The following XKR6 variants were observed in gnomAD, a reference collection of about 807,000 sequenced individuals.
The protein encoded by XKR6 is XK related 6.
In XKR6, 22 loss-of-function variants were observed where a neutral mutation model predicts 56.7. That is an observed-to-expected ratio of 0.39 (90% CI 0.28 to 0.55). The LOEUF (loss-of-function observed/expected upper bound fraction) is 0.55. Among genes scored for constraint, XKR6 ranks in the 20% least tolerant of loss-of-function variants. XKR6 has a pLI of 0.66. For synonymous variants in XKR6, 524 were observed against 387.8 expected (o/e 1.35, Z -4.13); for missense variants, 852 against 889.0 (o/e 0.96, Z 0.53).
intron 1 of XKR6, among the ~76,000 whole-genome samples, chr8:10,970,545 T>C (rs1370744043): frequency 3.9e-5 from 6 of 152,094 alleles, no homozygotes; most frequent in African/African-American, 1.2e-4. Flanking sequence ...CCCAGCCTCA[T>C]TGAGATGTCT....
intron 1 of XKR6, among the ~76,000 whole-genome samples, chr8:11,194,190 ATACCTG>A (rs1563210485): frequency 6.6e-6 from 1 of 152,236 alleles, no homozygotes; most frequent in Non-Finnish European, 1.5e-5. Flanking sequence ...CAAAGCACAA[ATACCTG>A]TAGCATAATG....
intron 1 of XKR6, among the ~76,000 whole-genome samples, chr8:11,062,345 C>A (rs916196269): frequency 9.2e-5 from 14 of 152,072 alleles, no homozygotes; most frequent in Admixed American, 9.2e-4. Context: ...ATCTGTAAGC[C>A]GAATATTTAT....
At chr8:10,903,619 G>A (rs1010776478) in intron 2 of XKR6, among the ~76,000 whole-genome samples, 29 of 152,138 alleles carry the variant, frequency 1.9e-4, no homozygotes, top group African/African-American at 6.5e-4. Context: ...GGCCGTTAGG[G>A]TGGGCCCTAA....
In XKR6 at chr8:11,200,328, G is replaced by C. The variant is rs1013194598; in HGVS notation, c.764+248C>G. ...GGACGGGGAGGGCAGGTTGGGGCAA[G>C]AGCCCCGCCGAGTGCGAAGCGGGGA... is the stretch of plus-strand genomic sequence containing the variant. On this transcript the variant is annotated intron_variant, in intron 1 of 2. Transcript: ENST00000416569. The surrounding 1 kb of genome is among the most constrained non-coding windows in gnomAD (Gnocchi z 6.4). Among the ~76,000 whole-genome samples, 9 of 152,232 alleles carry C rather than the reference G, an allele frequency of 5.9e-5. No individual in the cohort carries two copies. The highest frequency in any genetic ancestry group is 2.2e-4 in the African/African-American group (9 of 41,466).
intron 1 of XKR6, among the ~76,000 whole-genome samples, chr8:10,949,189 C>G (rs75843613): frequency 2.0e-5 from 3 of 152,206 alleles, no homozygotes; most frequent in African/African-American, 7.2e-5. Context: ...GCAAATCACC[C>G]CCCTACTCCC....
At chr8:11,180,132 C>A (rs891450632) in intron 1 of XKR6, among the ~76,000 whole-genome samples, 1 of 151,738 alleles carries the variant, frequency 6.6e-6, no homozygotes, top group East Asian at 1.9e-4. Context: ...AGACTGAGAC[C>A]CTGTCTCAAA....
intron 1 of XKR6, among the ~76,000 whole-genome samples, chr8:11,152,867 C>T (rs940286375): frequency 2.0e-5 from 3 of 152,176 alleles, no homozygotes; most frequent in African/African-American, 7.2e-5. Flanking sequence ...CCTAAGCATA[C>T]TGGTTTTACT....
intron 1 of XKR6, among the ~76,000 whole-genome samples, chr8:11,059,739 G>T (rs907286208): frequency 2.0e-5 from 3 of 150,252 alleles, no homozygotes; most frequent in African/African-American, 7.3e-5. Flanking sequence ...GCGCCCCCCG[G>T]ACCCCGCCCC....
intron 1 of XKR6, among the ~76,000 whole-genome samples, chr8:11,122,032 T>C (rs116454649): frequency 2.0e-3 from 310 of 152,320 alleles, no homozygotes; most frequent in African/African-American, 7.1e-3. Flanking sequence ...CAATGGGATA[T>C]TCAATATTCA....
intron 1 of XKR6, among the ~76,000 whole-genome samples, chr8:11,162,643 G>A (rs7818036): frequency 0.97 from 148,096 of 152,376 alleles, 71,990 homozygotes; most frequent in East Asian, 1. Context: ...TTCACTAGTT[G>A]TTTTGATTAT....
chr8:11,166,304 T>C (rs1266422079), intron 1 of XKR6, among the ~76,000 whole-genome samples: 1 of 152,080 alleles, frequency 6.6e-6, no homozygotes, highest in Non-Finnish European at 1.5e-5. Context: ...GTGTTCACAG[T>C]GGGGGAAAAA....
chr8:10,954,163 C>A (rs1801807490), intron 1 of XKR6, among the ~76,000 whole-genome samples: 1 of 152,170 alleles, frequency 6.6e-6, no homozygotes, highest in Non-Finnish European at 1.5e-5. Context: ...GTTTTCAATT[C>A]TCTTGGGTAT....
At chr8:11,133,013 T>C (rs1457747029) in intron 1 of XKR6, among the ~76,000 whole-genome samples, 1 of 151,946 alleles carries the variant, frequency 6.6e-6, no homozygotes, top group African/African-American at 2.4e-5. Context: ...GTAAGAAAAA[T>C]GGCAAAAAGT....
At chr8:11,136,653 G>A (rs560739273) in intron 1 of XKR6, among the ~76,000 whole-genome samples, 3 of 152,232 alleles carry the variant, frequency 2.0e-5, no homozygotes, top group Admixed American at 6.5e-5. Context: ...AGACAAGAGG[G>A]ATGATCTCTT....
chr8:11,122,475 C>G (rs557485757), intron 1 of XKR6, among the ~76,000 whole-genome samples: 1 of 152,370 alleles, frequency 6.6e-6, no homozygotes, highest in African/African-American at 2.4e-5. Context: ...GGCCCCTCCA[C>G]CTGCCCAAAA....
rs752484382 is a variant in XKR6, at chr8:11,201,348, T to C, written c.-9A>G. The C allele has an allele frequency of 8.8e-7, 1 of 1,142,682 alleles. No individual in the cohort carries two copies. The highest frequency in any genetic ancestry group is 1.2e-6 in the Non-Finnish European group (1 of 864,920). 70.8% of individuals were successfully genotyped at this position (1,142,682 alleles called of 1,614,324 possible). ...TCGGATTTCGCCGCCATCTTGACTC[T>C]CTTCCCAGCTCCGGAGGTTGGGGGG... On this transcript the variant is annotated 5_prime_UTR_variant, in exon 1 of 3. Coordinates refer to ENST00000416569, the MANE Select transcript of XKR6 (RefSeq NM_173683.4).
intron 2 of XKR6, among the ~76,000 whole-genome samples, chr8:10,917,077 T>C (rs904655324): frequency 4.6e-5 from 7 of 152,140 alleles, no homozygotes; most frequent in Non-Finnish European, 7.4e-5. Context: ...AGATGCTTTT[T>C]TTTTTTTTGG....
intron 1 of XKR6, among the ~76,000 whole-genome samples, chr8:11,049,884 T>C (rs1282225605): frequency 1.3e-5 from 2 of 152,164 alleles, no homozygotes; most frequent in Admixed American, 1.3e-4. Flanking sequence ...AGAAAGACTG[T>C]GTCTGCTGCA....
At chr8:10,968,776 G>A (rs7816172) in intron 1 of XKR6, among the ~76,000 whole-genome samples, 12,184 of 152,258 alleles carry the variant, frequency 0.08, 893 homozygotes, top group African/African-American at 0.2. Context: ...GAAGAAAGAG[G>A]AAAATAGAAG....
Sources: allele counts gnomAD v4.1 joint callset (sites outside exome capture counted in the v4.1 genomes callset), GRCh38; gene constraint gnomAD v4.1.1; non-coding constraint Gnocchi (gnomAD v3.1); transcripts MANE v1.5; gene names NCBI Gene and HGNC (gene_info 2026-07-23, HGNC 2026-07-21).